The following PPFIBP2 variants were observed in gnomAD, a reference collection of about 807,000 sequenced individuals.
The protein encoded by PPFIBP2 is liprin-beta-2.
A neutral mutation model predicts 118.3 loss-of-function variants in PPFIBP2; 118 were observed. That is an observed-to-expected ratio of 1.00 (90% CI 0.86 to 1.16). The LOEUF (loss-of-function observed/expected upper bound fraction) is 1.16. Among genes scored for constraint, PPFIBP2 ranks in the 50% most tolerant of loss-of-function variants. The pLI, the probability that PPFIBP2 is intolerant of heterozygous loss-of-function variation, is 0.00. For synonymous variants in PPFIBP2, 414 were observed against 397.4 expected, an observed-to-expected ratio of 1.04 and a Z score of -0.50; for missense variants, 1,195 against 1,073.1, an observed-to-expected ratio of 1.11 and a Z score of -1.59.
intron 1 of PPFIBP2, among the ~76,000 whole-genome samples, chr11:7,536,738 C>T (rs535203023): frequency 2.0e-5 from 3 of 152,112 alleles, no homozygotes; most frequent in South Asian, 4.2e-4. Flanking sequence ...GAAGAAGAGA[C>T]ATGTGAACCT....
chr11:7,569,618 TA>T (rs1855425982), intron 3 of PPFIBP2, among the ~76,000 whole-genome samples: 2 of 152,178 alleles, frequency 1.3e-5, no homozygotes, highest in Non-Finnish European at 2.9e-5. Context: ...TCTTGGGGTC[TA>T]AGATGGGCTG....
chr11:7,520,771 A>G (rs1721689355), intron 1 of PPFIBP2, among the ~76,000 whole-genome samples: 1 of 152,152 alleles, frequency 6.6e-6, no homozygotes, highest in South Asian at 2.1e-4. Flanking sequence ...TCTTCTTCAG[A>G]GGAGCTCCAC....
At chr11:7,522,045 C>T (rs759240676) in intron 1 of PPFIBP2, among the ~76,000 whole-genome samples, 8 of 152,032 alleles carry the variant, frequency 5.3e-5, no homozygotes, top group Non-Finnish European at 1.0e-4. Context: ...ATGGAAAAGA[C>T]GTGGTAAAAC....
intron 10 of PPFIBP2, among the ~76,000 whole-genome samples, chr11:7,630,531 C>T (rs1344821533): frequency 2.6e-5 from 4 of 152,182 alleles, no homozygotes; most frequent in African/African-American, 7.2e-5. Flanking sequence ...AGGCTAGACT[C>T]GAACTCCTGA....
chr11:7,623,474 G>A (rs910823942), intron 7 of PPFIBP2, among the ~76,000 whole-genome samples: 13 of 152,150 alleles, frequency 8.5e-5, no homozygotes, highest in Admixed American at 2.0e-4. Flanking sequence ...GACAGAGATC[G>A]CTCAAAGGAT....
Position 7,597,646 on chromosome 11 carries a change from C to G in PPFIBP2, c.459C>G (p.Leu153=), listed in dbSNP as rs761783020. The G allele has an allele frequency of 1.2e-6, 2 of 1,613,948 alleles. No homozygotes were observed. Among genetic ancestry groups the G allele is most frequent in the Non-Finnish European group, 1.7e-6 (2 of 1,180,002 alleles). The change falls in exon 5 of 24, where the codon CTC becomes CTG. Residue 153 remains leucine, a synonymous_variant. Transcript: ENST00000299492. ...EVCLEGHQVK[L]NAAEEMLQQE... ...GTCTGGAAGGACACCAGGTGAAACTCAATGCTGCTGAAGAGATGCTTCAAC... is the reference window on the plus strand; with the variant it reads ...GTCTGGAAGGACACCAGGTGAAACTGAATGCTGCTGAAGAGATGCTTCAAC...
downstream of PPFIBP2, among the ~76,000 whole-genome samples, chr11:7,660,273 T>C (rs1854862551): frequency 8.1e-6 from 1 of 124,222 alleles, no homozygotes; most frequent in African/African-American, 2.6e-5. Context: ...CAGTATGATA[T>C]TGGCTGTGGG....
chr11:7,611,744 C>G (rs1027308166), intron 6 of PPFIBP2, among the ~76,000 whole-genome samples: 1 of 152,132 alleles, frequency 6.6e-6, no homozygotes, highest in Non-Finnish European at 1.5e-5. Flanking sequence ...TATGTGGAAC[C>G]CTTAGCATAG....
At chr11:7,597,520 A>G (rs1187021524) in intron 4 of PPFIBP2, 40 bp from the exon 5 acceptor site, 7 of 1,583,612 alleles carry the variant, frequency 4.4e-6, no homozygotes, top group Non-Finnish European at 4.3e-6. Context: ...CACCATGTCA[A>G]ATCCCTGGTC....
chr11:7,521,986 A>G (rs938426824), intron 1 of PPFIBP2, among the ~76,000 whole-genome samples: 2 of 152,288 alleles, frequency 1.3e-5, no homozygotes, highest in Non-Finnish European at 2.9e-5. Flanking sequence ...AGTTGGAGCT[A>G]TATAATTTAA....
chr11:7,643,480 A>G (rs1043970352), intron 17 of PPFIBP2, among the ~76,000 whole-genome samples: 24 of 152,220 alleles, frequency 1.6e-4, no homozygotes, highest in African/African-American at 5.5e-4. Flanking sequence ...TGCCAAAGGA[A>G]AAAACTGCAG....
intron 1 of PPFIBP2, among the ~76,000 whole-genome samples, chr11:7,531,407 T>C (rs1373634710): frequency 6.6e-6 from 1 of 152,162 alleles, no homozygotes; most frequent in Non-Finnish European, 1.5e-5. Context: ...TTCCTCTTTG[T>C]AGCATCCTAA....
At chr11:7,568,366 G>A (rs931059726) in intron 3 of PPFIBP2, among the ~76,000 whole-genome samples, 3 of 152,154 alleles carry the variant, frequency 2.0e-5, no homozygotes, top group South Asian at 4.1e-4. Flanking sequence ...CATAACAGTT[G>A]CAAGATGGCC....
chr11:7,558,787 A>G (rs1045213879), intron 2 of PPFIBP2, among the ~76,000 whole-genome samples: 11 of 152,136 alleles, frequency 7.2e-5, no homozygotes, highest in Non-Finnish European at 1.5e-4. Flanking sequence ...AAGGCTTTCA[A>G]TGAAATCCTA....
chr11:7,648,682 AG>A (rs1590803799), intron 18 of PPFIBP2, 117 bp from the exon 19 acceptor site: 1 of 1,439,152 alleles, frequency 6.9e-7, no homozygotes, highest in Non-Finnish European at 9.7e-7. Flanking sequence ...TTGGCATCCC[AG>A]GGCACGGTGT....
intron 2 of PPFIBP2, among the ~76,000 whole-genome samples, chr11:7,563,599 G>C (rs1854595871): frequency 6.6e-6 from 1 of 152,186 alleles, no homozygotes; most frequent in Admixed American, 6.5e-5. Flanking sequence ...TTGGATGTCA[G>C]GCCTGCAGCA....
the PPFIBP2 span, among the ~76,000 whole-genome samples, chr11:7,662,450 T>G: frequency 3.6e-3 from 543 of 152,102 alleles, 3 homozygotes; most frequent in African/African-American, 0.012. Flanking sequence ...GAAAATTCTT[T>G]TCTTTAAGAA....
At chr11:7,642,274 C>G (rs371162414) in intron 16 of PPFIBP2, 24 bp from the exon 17 acceptor site, 2 of 1,612,840 alleles carry the variant, frequency 1.2e-6, no homozygotes, top group South Asian at 2.2e-5. Context: ...CCATGACCGT[C>G]TCCATGGATT....
At position 7,625,041 on chromosome 11, in the gene PPFIBP2, T is replaced by C. The variant is rs528128281; in HGVS notation, c.712-736T>C. ...TGTGTGTGGATTTAACCTGCACTACTTAATGGCGACATGGGAACCATCTAG... is the reference window on the plus strand; with the variant it reads ...TGTGTGTGGATTTAACCTGCACTACCTAATGGCGACATGGGAACCATCTAG... On this transcript the variant is annotated intron_variant, in intron 7 of 23. Transcript: ENST00000299492. 2.7e-5 allele frequency among the ~76,000 whole-genome samples: 4 copies of C among 147,404 alleles called. No individual in the cohort carries two copies. The East Asian group carries it at 5.8e-4, about 21-fold the overall frequency.
Sources: gnomAD v4.1 joint callset for allele counts (sites outside exome capture counted in the v4.1 genomes callset) on GRCh38, gnomAD v4.1.1 for gene constraint, MANE v1.5 for transcripts, NCBI Gene and HGNC (gene_info 2026-07-23, HGNC 2026-07-21) for gene names.